CAPN10: variants seen among roughly 807,000 people sequenced by gnomAD.
CAPN10 encodes calpain 10, also known as calpain-10.
CAPN10 carries 71 observed loss-of-function variants against 78.4 expected under a neutral mutation model. That is an observed-to-expected ratio of 0.91 (90% confidence interval 0.75 to 1.10). The LOEUF (loss-of-function observed/expected upper bound fraction) is 1.10, where lower values mean the gene tolerates loss of function less well. Ranked by LOEUF, CAPN10 falls within the 50% of genes least tolerant of loss-of-function variation. CAPN10 has a pLI of 0.00. For missense variants in CAPN10, 849 were observed against 924.6 expected, an observed-to-expected ratio of 0.92 and a Z score of 1.06; for synonymous variants, 437 against 407.2, an observed-to-expected ratio of 1.07 and a Z score of -0.88.
At position 240,598,694 on chromosome 2, in the gene CAPN10, T is replaced by C; in HGVS notation, c.*14T>C. On this transcript the variant is annotated 3_prime_UTR_variant, in exon 12 of 12. Coordinates refer to ENST00000391984, the MANE Select transcript of CAPN10 (RefSeq NM_023083.4). ...ATGAAAACCTAACAGGGTGGCCCCC[T>C]GTGCCAGCTCAGGTGACTGGAGCCC... 6.4e-7 allele frequency: 1 copy of C among 1,570,300 alleles called. No individual in the cohort carries two copies. Among genetic ancestry groups the C allele is most frequent in the Non-Finnish European group, 8.6e-7 (1 of 1,157,586 alleles).
chr2:240,588,052 C>A (rs1350385853), intron 1 of CAPN10, among the ~76,000 whole-genome samples: 1 of 152,004 alleles, frequency 6.6e-6, no homozygotes, highest in African/African-American at 2.4e-5. Context: ...CAGGGGGGAT[C>A]GAGAGGCCAT....
intron 4 of CAPN10, 87 bp from the exon 5 acceptor site, chr2:240,593,819 G>A: frequency 6.8e-7 from 1 of 1,466,884 alleles, no homozygotes; most frequent in Non-Finnish European, 9.2e-7. Context: ...AGCATCTCCA[G>A]AGGAGGAGGC....
At position 240,595,241 on chromosome 2, in the gene CAPN10, T is replaced by A; in HGVS notation, c.1215T>A (p.Thr405=). The A allele has an allele frequency of 6.2e-7, 1 of 1,613,672 alleles. No individual in the cohort carries two copies. The highest frequency in any genetic ancestry group is 1.3e-5 in the African/African-American group (1 of 75,052). ...RARALVGDSH[T]SWSPASIPGK... The stretch of plus-strand genomic sequence containing the variant: ...GGGCACTGGTGGGTGACAGTCATAC[T>A]TCGTGGAGCCCAGCGAGCATCCCGG... Residue 405 remains threonine, a synonymous_variant, in exon 7 of 12, where the codon ACT becomes ACA. Coordinates refer to ENST00000391984, the MANE Select transcript of CAPN10 (RefSeq NM_023083.4).
chr2:240,596,985 C>T (rs1389322353), intron 9 of CAPN10, 43 bp downstream of exon 9: 1 of 1,611,316 alleles, frequency 6.2e-7, no homozygotes, highest in Non-Finnish European at 8.5e-7. Flanking sequence ...CAGAAGGGGC[C>T]CTCAGAGAAT....
At position 240,589,383 on chromosome 2, in the gene CAPN10, G is replaced by T; in HGVS notation, c.182G>T (p.Arg61Leu). 1 of 1,614,138 alleles carries T rather than the reference G, an allele frequency of 6.2e-7. No individual in the cohort carries two copies. Among genetic ancestry groups the T allele is most frequent in the South Asian group, 1.1e-5 (1 of 91,086 alleles). ...CCCCGGCTGTTTCCAGATGACCCAC[G>T]GGAAGGGCAGGTGAAGCAGGGGCTG... is the stretch of plus-strand genomic sequence containing the variant. Reference protein sequence around the residue: ...ATPRLFPDDPREGQVKQGLLG... With the variant: ...ATPRLFPDDPLEGQVKQGLLG... Residue 61 changes from arginine to leucine, a missense_variant, in exon 2 of 12, where the codon CGG (arginine) becomes CTG (leucine). Arg to Leu is a moderately radical substitution (Grantham distance 102). Coordinates refer to ENST00000391984, the MANE Select transcript of CAPN10 (RefSeq NM_023083.4).
intron 4 of CAPN10, chr2:240,592,746 C>T (rs773945932): frequency 6.9e-5 from 21 of 305,042 alleles, no homozygotes; most frequent in Non-Finnish European, 6.4e-5. Context: ...TGTTCCCTTC[C>T]GCACCGCTTC....
chr2:240,586,896 G>A lies in CAPN10; in HGVS notation c.-16G>A. The A allele has an allele frequency of 1.4e-6, 2 of 1,384,384 alleles. No homozygotes were observed. The highest frequency in any genetic ancestry group is 1.5e-5 in the African/African-American group (1 of 66,142). 85.8% of individuals were successfully genotyped at this position (1,384,384 alleles called of 1,614,324 possible). A position where few individuals can be genotyped will look rare whatever the true frequency, so the allele number is the denominator to read the frequency against. ...CCGAGGCAACCGGCTGCAGATGGGA[G>A]CCCGCGGAGCCGAGGATGCGGGCGG... On this transcript the variant is annotated 5_prime_UTR_variant, in exon 1 of 12. Transcript: ENST00000391984.
At position 240,598,718 on chromosome 2, in the gene CAPN10, C is replaced by T. The variant is rs562665615; in HGVS notation, c.*38C>T. ...CTGTGCCAGCTCAGGTGACTGGAGC[C>T]CGAGGGCCTGACAGGTTCCCAGCAG... is the stretch of plus-strand genomic sequence containing the variant. On this transcript the variant is annotated 3_prime_UTR_variant, in exon 12 of 12. Coordinates refer to ENST00000391984, the MANE Select transcript of CAPN10 (RefSeq NM_023083.4). 4.9e-5 allele frequency: 76 copies of T among 1,553,612 alleles called. 1 individual carries two copies. The South Asian group carries it at 8.9e-4, about 18-fold the overall frequency.
At chr2:240,597,122 A>G (rs1426236076) in intron 9 of CAPN10, among the ~76,000 whole-genome samples, 180 bp downstream of exon 9, 1 of 152,260 alleles carries the variant, frequency 6.6e-6, no homozygotes, top group Non-Finnish European at 1.5e-5. Context: ...CTCAGAGGCA[A>G]GGCCGAAGAT....
At chr2:240,595,874 G>C in intron 7 of CAPN10, 1 of 1,186,820 alleles carries the variant, frequency 8.4e-7, no homozygotes, top group Non-Finnish European at 1.1e-6. Flanking sequence ...CTGAGTGTGG[G>C]TCGAGGATAT....
At chr2:240,595,572 G>C (rs1331502896) in intron 7 of CAPN10, among the ~76,000 whole-genome samples, 1 of 152,212 alleles carries the variant, frequency 6.6e-6, no homozygotes, top group African/African-American at 2.4e-5. Flanking sequence ...GGCAGGACCC[G>C]CAGGAGGGGC....
rs758590960 is a variant in CAPN10, at chr2:240,589,438, C to T, written c.237C>T (p.Cys79=). ...GGGATTGCTGGTTCCTGTGTGCCTG[C>T]GCCGCGCTGCAGAAGAGCAGGCACC... ...LLGDCWFLCA[C]AALQKSRHLL... Residue 79 remains cysteine (C), a synonymous_variant, in exon 2 of 12, where the codon TGC becomes TGT. Transcript: ENST00000391984. 4.1e-5 allele frequency: 66 copies of T among 1,613,732 alleles called. No homozygotes were observed. The highest frequency in any genetic ancestry group is 3.8e-4 in the Admixed American group (23 of 60,004).
At position 240,595,135 on chromosome 2, in the gene CAPN10, G is replaced by A. The variant is rs368852606; in HGVS notation, c.1109G>A (p.Arg370Gln). The A allele has an allele frequency of 1.6e-5, 26 of 1,613,864 alleles. No individual in the cohort carries two copies. The highest frequency in any genetic ancestry group is 2.2e-5 in the East Asian group (1 of 44,896). The change falls in exon 7 of 12, where the codon CGG (arginine) becomes CAG (glutamine). Residue 370 changes from arginine (R) to glutamine (Q), a missense_variant. Transcript: ENST00000391984. ...GFPSNPKFWL[R>Q]VSEPSEVYIA... is the part of the protein sequence containing the mutation. ...CCCAGCAACCCCAAATTCTGGCTGC[G>A]GGTCTCAGAACCGAGTGAGGTGTAC...
intron 9 of CAPN10, among the ~76,000 whole-genome samples, chr2:240,597,559 C>T (rs1489479079): frequency 6.6e-6 from 1 of 152,188 alleles, no homozygotes; most frequent in African/African-American, 2.4e-5. Context: ...GCTGTTTGCC[C>T]TGGGCCACCG....
chr2:240,594,085 G>C, intron 5 of CAPN10, 38 bp downstream of exon 5: 1 of 1,536,642 alleles, frequency 6.5e-7, no homozygotes, highest in African/African-American at 1.4e-5. Flanking sequence ...CTGTCGGGAG[G>C]GGGGCCCAGT....
rs1172281603 is a variant in CAPN10, at chr2:240,592,057, A to T, written c.595A>T (p.Arg199Trp). The change falls in exon 4 of 12, where the codon AGG (arginine) becomes TGG (tryptophan). Residue 199 changes from arginine to tryptophan, a missense_variant. Coordinates refer to ENST00000391984, the MANE Select transcript of CAPN10 (RefSeq NM_023083.4). ...AGCAGGAAGCGGAGGCCAGCAGGAC[A>T]GGCCAGGCCGCTGGGAGCACAGGAC... is the stretch of plus-strand genomic sequence containing the variant. ...GVAGSGGQQD[R>W]PGRWEHRTCR... The T allele has an allele frequency of 1.2e-6, 2 of 1,610,314 alleles. No homozygotes were observed. The highest frequency in any genetic ancestry group is 2.2e-5 in the South Asian group (2 of 90,438).
At chr2:240,597,036 C>G (rs1339270450) in intron 9 of CAPN10, 94 bp downstream of exon 9, 1 of 1,497,958 alleles carries the variant, frequency 6.7e-7, no homozygotes, top group Non-Finnish European at 9.2e-7. Flanking sequence ...GGGCTCTGGG[C>G]TCAGTCACTT....
In CAPN10 at chr2:240,598,707, G is replaced by A. The variant is rs770777106; in HGVS notation, c.*27G>A. 1.3e-6 allele frequency: 2 copies of A among 1,563,448 alleles called. No homozygotes were observed. The highest frequency in any genetic ancestry group is 1.9e-5 in the Admixed American group (1 of 51,866). ...AGGGTGGCCCCCTGTGCCAGCTCAG[G>A]TGACTGGAGCCCGAGGGCCTGACAG... On this transcript the variant is annotated 3_prime_UTR_variant, in exon 12 of 12. Transcript: ENST00000391984.
rs777295496 is a variant in CAPN10, at chr2:240,590,947, T to C, written c.406T>C (p.Cys136Arg). ...DRLPCLAGRL[C>R]FSRCQREDVF... ...CCTGCCGTGCCTTGCAGGGAGACTC[T>C]GTTTCTCCCGCTGCCAGAGGGAGGA... Residue 136 changes from cysteine to arginine, a missense_variant, in exon 3 of 12, where the codon TGT becomes CGT. Coordinates refer to ENST00000391984, the MANE Select transcript of CAPN10 (RefSeq NM_023083.4). 3.1e-6 allele frequency: 5 copies of C among 1,614,078 alleles called. No individual in the cohort carries two copies. The African/African-American group carries it at 5.3e-5, about 17-fold the overall frequency.
Sources: gnomAD v4.1 joint callset for allele counts (sites outside exome capture counted in the v4.1 genomes callset) on GRCh38, gnomAD v4.1.1 for gene constraint, MANE v1.5 for transcripts, NCBI Gene and HGNC (gene_info 2026-07-23, HGNC 2026-07-21) for gene names.